The following CLSTN2 variants were observed in gnomAD, a reference collection of about 807,000 sequenced individuals.
The protein encoded by CLSTN2 is calsyntenin 2, also known as calsyntenin-2.
CLSTN2 carries 48 observed loss-of-function variants against 101.2 expected under a neutral mutation model. The observed-to-expected ratio is 0.47, with a 90% confidence interval of 0.38 to 0.60. The LOEUF is 0.60. CLSTN2 is among the 20% of genes least tolerant of loss of function. The pLI, the probability that CLSTN2 is intolerant of heterozygous loss-of-function variation, is 0.00. For synonymous variants in CLSTN2, 481 were observed against 463.6 expected, an observed-to-expected ratio of 1.04 and a Z score of -0.48; for missense variants, 1,160 against 1,238.2, an observed-to-expected ratio of 0.94 and a Z score of 0.95.
intron 1 of CLSTN2, among the ~76,000 whole-genome samples, chr3:140,013,439 G>A (rs1195309773): frequency 6.6e-6 from 1 of 152,236 alleles, no homozygotes. Context: ...AGGATCCGGA[G>A]TTTGTCGCTG....
At chr3:140,185,451 T>C (rs1206930420) in intron 2 of CLSTN2, among the ~76,000 whole-genome samples, 3 of 152,206 alleles carry the variant, frequency 2.0e-5, no homozygotes, top group Admixed American at 1.3e-4. Flanking sequence ...ATCAATGGCA[T>C]GCTTCGTCGA....
chr3:140,054,860 T>C lies in CLSTN2; in HGVS notation c.109+119377T>C, dbSNP rs16849757. Among the ~76,000 whole-genome samples, 274 of 152,334 alleles carry C rather than the reference T, an allele frequency of 1.8e-3. 9 individuals are homozygous for C. In the East Asian group the frequency reaches 0.039, roughly 22 times the overall value. The stretch of plus-strand genomic sequence containing the variant: ...AAAGCTGATGTCATAAGAGGCACTA[T>C]GCCTATCGGATTCTGTAGCAACAAA... On this transcript the variant is annotated intron_variant, in intron 1 of 16. Coordinates refer to ENST00000458420, the MANE Select transcript of CLSTN2 (RefSeq NM_022131.3).
chr3:139,969,617 A>G (rs1286044843), intron 1 of CLSTN2, among the ~76,000 whole-genome samples: 3 of 152,110 alleles, frequency 2.0e-5, no homozygotes, highest in African/African-American at 7.2e-5. Context: ...TCTCCCTGTT[A>G]GTCTGCAAAA....
chr3:140,032,162 C>A (rs1160973490), intron 1 of CLSTN2, among the ~76,000 whole-genome samples: 1 of 151,724 alleles, frequency 6.6e-6, no homozygotes, highest in Non-Finnish European at 1.5e-5. Flanking sequence ...AATGAACAGA[C>A]TTATTGGGGA....
At chr3:140,135,115 C>CATATATATATAT (rs1560105560) in intron 1 of CLSTN2, among the ~76,000 whole-genome samples, 4 of 52,056 alleles carry the variant, frequency 7.7e-5, no homozygotes, top group African/African-American at 3.9e-4. Flanking sequence ...CACACACACA[C>CATATATATATAT]ACATATATAT....
chr3:140,043,746 T>A (rs1302974231), intron 1 of CLSTN2, among the ~76,000 whole-genome samples: 1 of 152,218 alleles, frequency 6.6e-6, no homozygotes, highest in Non-Finnish European at 1.5e-5. Context: ...TACATATGGC[T>A]AGCCAGTTTT....
At chr3:140,266,494 G>C (rs1275374876) in intron 2 of CLSTN2, among the ~76,000 whole-genome samples, 1 of 152,134 alleles carries the variant, frequency 6.6e-6, no homozygotes, top group East Asian at 1.9e-4. Context: ...AGGCTTAAAG[G>C]ACATTTCCAA....
chr3:140,524,655 A>G (rs188760474), intron 8 of CLSTN2, among the ~76,000 whole-genome samples: 2 of 152,334 alleles, frequency 1.3e-5, no homozygotes, highest in African/African-American at 4.8e-5. Flanking sequence ...TCTTATCTGC[A>G]CATGGAACGT....
intron 8 of CLSTN2, among the ~76,000 whole-genome samples, chr3:140,520,070 A>T (rs1391310261): frequency 6.6e-6 from 1 of 152,162 alleles, no homozygotes; most frequent in Non-Finnish European, 1.5e-5. Flanking sequence ...TTATGAAGCT[A>T]ACTTTTGCTG....
intron 1 of CLSTN2, among the ~76,000 whole-genome samples, chr3:140,094,716 C>A (rs905428755): frequency 2.0e-5 from 3 of 152,152 alleles, no homozygotes; most frequent in African/African-American, 7.2e-5. Context: ...CAGTGGCAGA[C>A]AAAGGCTGGA....
intron 2 of CLSTN2, among the ~76,000 whole-genome samples, chr3:140,399,793 G>A (rs2088220636): frequency 6.6e-6 from 1 of 152,084 alleles, no homozygotes; most frequent in South Asian, 2.1e-4. Flanking sequence ...AGAGTTTGGA[G>A]TATGATTGAT....
chr3:140,051,819 A>G (rs2008001793), intron 1 of CLSTN2, among the ~76,000 whole-genome samples: 2 of 152,124 alleles, frequency 1.3e-5, no homozygotes, highest in African/African-American at 4.8e-5. Context: ...GCCACAAAGC[A>G]CTACACCTTA....
intron 1 of CLSTN2, among the ~76,000 whole-genome samples, chr3:140,132,844 C>T (rs1022042735): frequency 1.2e-4 from 18 of 152,118 alleles, no homozygotes; most frequent in Non-Finnish European, 2.1e-4. Context: ...ACCCCTTACT[C>T]CATCCCAGGG....
At chr3:140,024,400 C>T (rs1464523765) in intron 1 of CLSTN2, among the ~76,000 whole-genome samples, 2 of 152,230 alleles carry the variant, frequency 1.3e-5, no homozygotes, top group African/African-American at 4.8e-5. Context: ...GACTGAGTCA[C>T]AGGCAGGACC....
chr3:140,145,767 T>A (rs1042874557), intron 1 of CLSTN2, among the ~76,000 whole-genome samples: 11 of 152,226 alleles, frequency 7.2e-5, no homozygotes, highest in Admixed American at 6.5e-4. Context: ...AAGATTCCAA[T>A]GCCTCTTCCA....
At chr3:140,471,242 T>A (rs1453680995) in intron 8 of CLSTN2, among the ~76,000 whole-genome samples, 1 of 152,164 alleles carries the variant, frequency 6.6e-6, no homozygotes, top group Non-Finnish European at 1.5e-5. Flanking sequence ...TTGACTAACT[T>A]GCAGCCCCTC....
intron 2 of CLSTN2, among the ~76,000 whole-genome samples, chr3:140,248,909 A>G (rs932159759): frequency 6.6e-6 from 1 of 152,168 alleles, no homozygotes; most frequent in African/African-American, 2.4e-5. Flanking sequence ...GCTTCCATTT[A>G]TCTGATTTTA....
In CLSTN2 at chr3:140,571,407, A is replaced by C. The variant is rs139402150; in HGVS notation, c.*5154A>C. 1.8e-3 allele frequency: 271 copies of C among 152,314 alleles called. 1 individual carries two copies. The highest frequency in any genetic ancestry group is 6.1e-3 in the African/African-American group (252 of 41,564). 9.4% of individuals were successfully genotyped at this position (152,314 alleles called of 1,614,324 possible). A position where few individuals can be genotyped will look rare whatever the true frequency, so the allele number is the denominator to read the frequency against. On this transcript the variant is annotated 3_prime_UTR_variant, in exon 17 of 17. Transcript: ENST00000458420. ...TAAATTAACCAAATAGTTTTTACAAAAAAGTAGGTAAGTGGGTTTAATTCT... is the reference window on the plus strand; with the variant it reads ...TAAATTAACCAAATAGTTTTTACAACAAAGTAGGTAAGTGGGTTTAATTCT...
At chr3:140,364,555 G>C (rs2087763987) in intron 2 of CLSTN2, among the ~76,000 whole-genome samples, 1 of 152,094 alleles carries the variant, frequency 6.6e-6, no homozygotes, top group African/African-American at 2.4e-5. Context: ...CTATGTCCAG[G>C]GCGCCAGGAG....
Sources: gnomAD v4.1 joint callset for allele counts (sites outside exome capture counted in the v4.1 genomes callset) on GRCh38, gnomAD v4.1.1 for gene constraint, MANE v1.5 for transcripts, NCBI Gene and HGNC (gene_info 2026-07-23, HGNC 2026-07-21) for gene names.